The following SDK1 variants were observed in gnomAD, a reference collection of about 807,000 sequenced individuals.
The protein encoded by SDK1 is sidekick cell adhesion molecule 1.
Under a neutral mutation model 245.5 loss-of-function variants are expected in SDK1, and 157 were observed. The observed-to-expected ratio is 0.64, with a 90% confidence interval of 0.56 to 0.73. The LOEUF is 0.73. Ranked by LOEUF, SDK1 falls within the 30% of genes least tolerant of loss-of-function variation. SDK1 has a pLI of 0.00. For missense variants in SDK1, 3,583 were observed against 3,002.3 expected (o/e 1.19, Z -4.52); for synonymous variants, 1,647 against 1,278.5 (o/e 1.29, Z -6.15).
At chr7:3,659,512 C>T (rs1783288869) in intron 4 of SDK1, among the ~76,000 whole-genome samples, 1 of 152,132 alleles carries the variant, frequency 6.6e-6, no homozygotes, top group South Asian at 2.1e-4. Flanking sequence ...GGCAGAGAGC[C>T]TGGTGTGTTC....
At chr7:3,901,102 C>T (rs921039496) in intron 5 of SDK1, among the ~76,000 whole-genome samples, 6 of 152,206 alleles carry the variant, frequency 3.9e-5, no homozygotes, top group African/African-American at 1.4e-4. Context: ...AAACTCCAGA[C>T]CAGTTGTTTG....
chr7:4,174,772 C>A (rs1408771659), intron 33 of SDK1, among the ~76,000 whole-genome samples: 2 of 152,146 alleles, frequency 1.3e-5, no homozygotes, highest in Non-Finnish European at 2.9e-5. Context: ...ATGGTGCTCA[C>A]CCCCGGGCTG....
chr7:4,216,375 C>T (rs1279021617), intron 38 of SDK1, among the ~76,000 whole-genome samples: 3 of 152,188 alleles, frequency 2.0e-5, no homozygotes, highest in African/African-American at 4.8e-5. Flanking sequence ...CACTCTCACC[C>T]GGAGGGGCTG....
chr7:3,458,208 A>G (rs1186512119), intron 1 of SDK1, among the ~76,000 whole-genome samples: 1 of 150,330 alleles, frequency 6.7e-6, no homozygotes, highest in Non-Finnish European at 1.5e-5. Flanking sequence ...TAATCTGGAA[A>G]CTAATGTTTT....
intron 2 of SDK1, among the ~76,000 whole-genome samples, chr7:3,621,910 C>T (rs1349586853): frequency 6.6e-6 from 1 of 152,200 alleles, no homozygotes; most frequent in Admixed American, 6.5e-5. Context: ...TGACTTTACG[C>T]AGTTGAGAAA....
At chr7:4,029,214 C>CTT (rs532321663) in intron 17 of SDK1, among the ~76,000 whole-genome samples, 2 of 98,442 alleles carry the variant, frequency 2.0e-5, no homozygotes, top group Non-Finnish European at 1.9e-5. Context: ...TTTATTCTTT[C>CTT]TTTTTTTTTT....
In SDK1 at chr7:3,796,047, C is replaced by T. The variant is rs73308026; in HGVS notation, c.714-25403C>T. ...AGCTCAACCAGCCTGCTCTGGAGTTCGACAATTCTGTGTAGTCTTTCTCTT... is the reference window on the plus strand; with the variant it reads ...AGCTCAACCAGCCTGCTCTGGAGTTTGACAATTCTGTGTAGTCTTTCTCTT... On this transcript the variant is annotated intron_variant, in intron 4 of 44. Transcript: ENST00000404826. 6.2e-3 allele frequency among the ~76,000 whole-genome samples: 949 copies of T among 152,232 alleles called. 9 individuals are homozygous for T. The highest frequency in any genetic ancestry group is 0.021 in the African/African-American group (885 of 41,542).
At chr7:3,435,304 C>G (rs1434866636) in intron 1 of SDK1, among the ~76,000 whole-genome samples, 1 of 128,244 alleles carries the variant, frequency 7.8e-6, no homozygotes, top group African/African-American at 3.2e-5. Context: ...TGATACTTGA[C>G]TTATGAAGGG....
intron 1 of SDK1, among the ~76,000 whole-genome samples, chr7:3,336,418 G>A (rs939022724): frequency 1.3e-5 from 2 of 152,128 alleles, no homozygotes; most frequent in Non-Finnish European, 2.9e-5. Flanking sequence ...GGTAGTGTCA[G>A]CAAGGCCCAG....
chr7:3,807,809 A>C (rs557441370), intron 4 of SDK1, among the ~76,000 whole-genome samples: 1 of 152,250 alleles, frequency 6.6e-6, no homozygotes, highest in South Asian at 2.1e-4. Flanking sequence ...TGGCAAAATT[A>C]TTTGACCTCT....
At chr7:3,409,406 C>A (rs1779140733) in intron 1 of SDK1, among the ~76,000 whole-genome samples, 1 of 151,800 alleles carries the variant, frequency 6.6e-6, no homozygotes, top group Non-Finnish European at 1.5e-5. Flanking sequence ...TTGTGTCTCG[C>A]TGCCTGTACA....
intron 35 of SDK1, among the ~76,000 whole-genome samples, chr7:4,183,437 C>T (rs1231530467): frequency 6.6e-6 from 1 of 151,862 alleles, no homozygotes; most frequent in Non-Finnish European, 1.5e-5. Context: ...AGTTCAAGAC[C>T]AGCCTGGCCA....
At chr7:3,791,984 C>G (rs570498871) in intron 4 of SDK1, among the ~76,000 whole-genome samples, 4 of 151,772 alleles carry the variant, frequency 2.6e-5, no homozygotes, top group Admixed American at 6.6e-5. Flanking sequence ...AAAAATTAGC[C>G]AGATGTAGTG....
At chr7:4,137,870 A>G (rs560362849) in intron 28 of SDK1, among the ~76,000 whole-genome samples, 65 of 152,240 alleles carry the variant, frequency 4.3e-4, no homozygotes, top group African/African-American at 1.4e-3. Flanking sequence ...ACCATCTATC[A>G]TTATTCTCTA....
intron 1 of SDK1, among the ~76,000 whole-genome samples, chr7:3,579,429 T>A (rs180926828): frequency 6.6e-6 from 1 of 152,328 alleles, no homozygotes; most frequent in East Asian, 1.9e-4. Context: ...AAAAATCACA[T>A]GATTATCTCA....
chr7:3,382,758 C>G (rs1232693908), intron 1 of SDK1, among the ~76,000 whole-genome samples: 1 of 152,148 alleles, frequency 6.6e-6, no homozygotes, highest in Admixed American at 6.5e-5. Context: ...AATCATTACA[C>G]ATCTAGTGTC....
chr7:3,881,474 G>C (rs116403149), intron 5 of SDK1, among the ~76,000 whole-genome samples: 2,380 of 152,222 alleles, frequency 0.016, 76 homozygotes, highest in African/African-American at 0.055. Flanking sequence ...TGGTGTATAC[G>C]TAACACATTT....
chr7:3,801,633 T>A (rs1158118067), intron 4 of SDK1, among the ~76,000 whole-genome samples: 3 of 152,190 alleles, frequency 2.0e-5, no homozygotes, highest in Admixed American at 6.5e-5. Flanking sequence ...GTCCTTCTCA[T>A]TGATAAGGAC....
At chr7:3,753,583 C>T (rs996588016) in intron 4 of SDK1, among the ~76,000 whole-genome samples, 2 of 152,206 alleles carry the variant, frequency 1.3e-5, no homozygotes, top group South Asian at 2.1e-4. Flanking sequence ...CTGATTCCTC[C>T]CTCGAAGTCT....
Sources: allele counts gnomAD v4.1 joint callset (sites outside exome capture counted in the v4.1 genomes callset), GRCh38; gene constraint gnomAD v4.1.1; transcripts MANE v1.5; gene names NCBI Gene and HGNC (gene_info 2026-07-23, HGNC 2026-07-21).